The following CEP128 variants were observed in gnomAD, a reference collection of about 807,000 sequenced individuals.
The protein encoded by CEP128 is centrosomal protein 128.
Under a neutral mutation model 156.7 loss-of-function variants are expected in CEP128, and 132 were observed. The ratio of observed to expected loss-of-function variants is 0.84; its 90% CI spans 0.73 to 0.97. CEP128 has a LOEUF of 0.97. Among genes scored for constraint, CEP128 ranks in the 50% least tolerant of loss-of-function variants. CEP128 has a pLI of 0.00. For synonymous variants in CEP128, 469 were observed against 448.9 expected, an observed-to-expected ratio of 1.04 and a Z score of -0.57; for missense variants, 1,252 against 1,281.9, an observed-to-expected ratio of 0.98 and a Z score of 0.36.
chr14:80,672,642 G>A (rs1217764829), intron 19 of CEP128, among the ~76,000 whole-genome samples: 1 of 152,068 alleles, frequency 6.6e-6, no homozygotes, highest in African/African-American at 2.4e-5. Flanking sequence ...ACATATTCAT[G>A]CCTATTAAAT....
At chr14:80,859,442 A>C (rs1887400344) in intron 9 of CEP128, among the ~76,000 whole-genome samples, 1 of 150,346 alleles carries the variant, frequency 6.7e-6, no homozygotes, top group South Asian at 2.1e-4. Context: ...GATATACCTA[A>C]TGCTAGATGA....
intron 19 of CEP128, among the ~76,000 whole-genome samples, chr14:80,588,057 G>A (rs558194806): frequency 2.6e-5 from 4 of 152,220 alleles, no homozygotes; most frequent in African/African-American, 9.6e-5. Flanking sequence ...ACAAAAGTTT[G>A]TGCTGGTTTC....
At chr14:80,581,947 T>C (rs1386491204) in intron 19 of CEP128, among the ~76,000 whole-genome samples, 2 of 152,188 alleles carry the variant, frequency 1.3e-5, no homozygotes, top group Non-Finnish European at 2.9e-5. Flanking sequence ...GTGAATAGAA[T>C]ATAGCTGAAG....
intron 19 of CEP128, among the ~76,000 whole-genome samples, chr14:80,738,311 C>T (rs1461438730): frequency 2.6e-5 from 4 of 152,108 alleles, no homozygotes; most frequent in Non-Finnish European, 5.9e-5. Context: ...CTGTTAACAG[C>T]AATTGACCAC....
chr14:80,727,894 T>G (rs902079349), intron 19 of CEP128, among the ~76,000 whole-genome samples: 1 of 152,172 alleles, frequency 6.6e-6, no homozygotes, highest in African/African-American at 2.4e-5. Flanking sequence ...GAAAAGGGAA[T>G]GCTTATACAC....
intron 2 of CEP128, among the ~76,000 whole-genome samples, chr14:80,924,161 A>C (rs370059463): frequency 1.3e-5 from 2 of 152,206 alleles, no homozygotes; most frequent in African/African-American, 4.8e-5. Context: ...TAGCTGTAGG[A>C]CTTGAGAGCT....
At chr14:80,828,320 A>C (rs1273236555) in intron 13 of CEP128, among the ~76,000 whole-genome samples, 1 of 151,740 alleles carries the variant, frequency 6.6e-6, no homozygotes, top group Non-Finnish European at 1.5e-5. Flanking sequence ...ATGTGGTTTC[A>C]CCATGTTGGC....
rs1901864401 is a variant in CEP128 at position 80,794,140 on chromosome 14, T to C, written c.1210-1030A>G. 2.0e-5 allele frequency among the ~76,000 whole-genome samples: 3 copies of C among 152,170 alleles called. No individual in the cohort carries two copies. The South Asian group carries it at 6.2e-4, about 32-fold the overall frequency. On this transcript the variant is annotated intron_variant, in intron 13 of 24. Coordinates refer to ENST00000555265, the MANE Select transcript of CEP128 (RefSeq NM_152446.5). ...CCAGGGGTTGGAATGAGGCTGTGAG[T>C]TGGATAAACAATAAATAACATCTCC... is the stretch of plus-strand genomic sequence containing the variant.
At chr14:80,602,808 T>C (rs1039970153) in intron 19 of CEP128, among the ~76,000 whole-genome samples, 21 of 151,898 alleles carry the variant, frequency 1.4e-4, no homozygotes, top group African/African-American at 4.3e-4. Flanking sequence ...TTAAAAGGAA[T>C]GAAATTATAC....
chr14:80,617,430 T>A (rs568961295), intron 19 of CEP128, among the ~76,000 whole-genome samples: 1 of 151,802 alleles, frequency 6.6e-6, no homozygotes, highest in East Asian at 2.0e-4. Context: ...AGAGACGGGG[T>A]TTCACCATCT....
chr14:80,709,710 A>G (rs758473655), intron 19 of CEP128, among the ~76,000 whole-genome samples: 6 of 152,128 alleles, frequency 3.9e-5, no homozygotes, highest in Non-Finnish European at 7.4e-5. Flanking sequence ...GTATACTTCT[A>G]TATCTTTCAC....
chr14:80,532,802 C>A (rs112085013), intron 21 of CEP128, among the ~76,000 whole-genome samples: 4,794 of 152,206 alleles, frequency 0.031, 172 homozygotes, highest in African/African-American at 0.082. Flanking sequence ...AGTTTTGACA[C>A]GTGTAAATCA....
chr14:80,596,842 A>AAAAAAAG (rs1555379468), intron 19 of CEP128, among the ~76,000 whole-genome samples: 17 of 69,818 alleles, frequency 2.4e-4, no homozygotes, highest in African/African-American at 4.7e-4. Flanking sequence ...AAAAAAAAAA[A>AAAAAAAG]GGTGGGGGGG....
At chr14:80,626,273 G>C (rs189763683) in intron 19 of CEP128, among the ~76,000 whole-genome samples, 298 of 151,304 alleles carry the variant, frequency 2.0e-3, no homozygotes, top group Non-Finnish European at 3.6e-3. Flanking sequence ...GACCATCCTG[G>C]CTAACAAGGT....
At chr14:80,592,151 AG>A (rs1892101836) in intron 19 of CEP128, among the ~76,000 whole-genome samples, 1 of 152,212 alleles carries the variant, frequency 6.6e-6, no homozygotes, top group Non-Finnish European at 1.5e-5. Flanking sequence ...GAAATAACTA[AG>A]ATCAGAGCAG....
chr14:80,911,798 AT>A (rs1394451969), intron 4 of CEP128, among the ~76,000 whole-genome samples: 1 of 152,242 alleles, frequency 6.6e-6, no homozygotes, highest in Non-Finnish European at 1.5e-5. Flanking sequence ...AAAGTAAAAA[AT>A]AAATAGAATG....
At chr14:80,588,701 A>G (rs1891922159) in intron 19 of CEP128, among the ~76,000 whole-genome samples, 1 of 152,138 alleles carries the variant, frequency 6.6e-6, no homozygotes, top group African/African-American at 2.4e-5. Flanking sequence ...ACGAATTATT[A>G]CAGCTCAGCT....
At chr14:80,528,180 C>T (rs1464812441) in intron 22 of CEP128, among the ~76,000 whole-genome samples, 1 of 152,226 alleles carries the variant, frequency 6.6e-6, no homozygotes, top group Non-Finnish European at 1.5e-5. Context: ...TTAAGAATGA[C>T]TTGCCCAGGG....
intron 19 of CEP128, among the ~76,000 whole-genome samples, chr14:80,607,030 A>C (rs1892809633): frequency 6.6e-6 from 1 of 151,570 alleles, no homozygotes. Flanking sequence ...TATAACATAT[A>C]TACGATACAC....
Sources: allele counts gnomAD v4.1 joint callset (sites outside exome capture counted in the v4.1 genomes callset), GRCh38; gene constraint gnomAD v4.1.1; transcripts MANE v1.5; gene names NCBI Gene and HGNC (gene_info 2026-07-23, HGNC 2026-07-21).